The following FKBP5 variants were observed in gnomAD, a reference collection of about 807,000 sequenced individuals.
The protein encoded by FKBP5 is FKBP prolyl isomerase 5, also known as peptidyl-prolyl cis-trans isomerase FKBP5.
Under a neutral mutation model 50.5 loss-of-function variants are expected in FKBP5, and 23 were observed. That is an observed-to-expected ratio of 0.46 (90% confidence interval 0.33 to 0.65). The LOEUF (loss-of-function observed/expected upper bound fraction) is 0.65, where lower values mean the gene tolerates loss of function less well. FKBP5 is among the 30% of genes least tolerant of loss of function. FKBP5 has a pLI of 0.02. For missense variants in FKBP5, 411 were observed against 553.1 expected (o/e 0.74, Z 2.58); for synonymous variants, 176 against 190.6 (o/e 0.92, Z 0.63).
intron 2 of FKBP5, among the ~76,000 whole-genome samples, chr6:35,702,547 G>T (rs1561902514): frequency 6.6e-6 from 1 of 151,664 alleles, no homozygotes; most frequent in Non-Finnish European, 1.5e-5. Context: ...CCACCTCCTG[G>T]ATTCACGCCA....
chr6:35,711,791 A>T (rs1245983672), intron 2 of FKBP5, among the ~76,000 whole-genome samples: 1 of 152,204 alleles, frequency 6.6e-6, no homozygotes, highest in Non-Finnish European at 1.5e-5. Flanking sequence ...ATCATAAGTA[A>T]ATTATGCGCA....
intron 8 of FKBP5, chr6:35,585,679 T>C (rs1581786795): frequency 3.2e-6 from 3 of 941,930 alleles, no homozygotes; most frequent in Non-Finnish European, 1.3e-6. Context: ...AAACCCATGA[T>C]TTAAAATTTG....
intron 2 of FKBP5, among the ~76,000 whole-genome samples, chr6:35,713,340 C>T (rs1226179830): frequency 6.6e-6 from 1 of 152,024 alleles, no homozygotes; most frequent in South Asian, 2.1e-4. Flanking sequence ...GGAATTTTGC[C>T]TCATTATGAA....
chr6:35,725,430 G>A (rs1448247972), intron 1 of FKBP5, among the ~76,000 whole-genome samples: 1 of 152,120 alleles, frequency 6.6e-6, no homozygotes, highest in African/African-American at 2.4e-5. Context: ...CAGCCTCAAG[G>A]GTCCAGAGAA....
At chr6:35,679,155 C>A (rs1304459425) in intron 1 of FKBP5, among the ~76,000 whole-genome samples, 1 of 152,142 alleles carries the variant, frequency 6.6e-6, no homozygotes, top group Non-Finnish European at 1.5e-5. Context: ...CATGGAGGTT[C>A]ATTAAAGAAT....
intron 1 of FKBP5, among the ~76,000 whole-genome samples, chr6:35,668,961 G>C (rs1314359571): frequency 6.6e-6 from 1 of 151,866 alleles, no homozygotes; most frequent in Non-Finnish European, 1.5e-5. Context: ...CAAAACTAAA[G>C]ACTCCTGTAG....
At chr6:35,727,774 C>A (rs1408271729) in intron 1 of FKBP5, among the ~76,000 whole-genome samples, 5 of 152,220 alleles carry the variant, frequency 3.3e-5, no homozygotes, top group African/African-American at 1.2e-4. Context: ...GGACTGAGCG[C>A]TGGAGAGCGC....
intron 3 of FKBP5, among the ~76,000 whole-genome samples, chr6:35,633,542 CAAAAAAAAAAA>C (rs10714201): frequency 1.1e-5 from 1 of 91,612 alleles, no homozygotes; most frequent in Non-Finnish European, 2.2e-5. Context: ...GATTCCATCT[CAAAAAAAAAAA>C]AAAAAAGGAA....
intron 8 of FKBP5, chr6:35,585,740 AC>A: frequency 1.0e-6 from 1 of 982,294 alleles, no homozygotes; most frequent in Non-Finnish European, 1.2e-6. Flanking sequence ...TTACTCATAC[AC>A]AAGCAAAGTT....
chr6:35,631,406 C>G (rs1329005362), intron 3 of FKBP5, among the ~76,000 whole-genome samples: 1 of 152,102 alleles, frequency 6.6e-6, no homozygotes, highest in Admixed American at 6.6e-5. Context: ...TTAGTGACTG[C>G]CTGGGGCTCA....
intron 10 of FKBP5, among the ~76,000 whole-genome samples, chr6:35,576,623 A>G (rs1762223708): frequency 7.2e-6 from 1 of 139,840 alleles, no homozygotes; most frequent in South Asian, 2.4e-4. Context: ...GAGCCATGTT[A>G]GCACGACTGC....
At chr6:35,608,140 C>T (rs1294268853) in intron 5 of FKBP5, among the ~76,000 whole-genome samples, 2 of 152,108 alleles carry the variant, frequency 1.3e-5, no homozygotes, top group African/African-American at 4.8e-5. Context: ...CCAAATACTG[C>T]GTGTTCTCAC....
chr6:35,610,160 T>C (rs1763445564), intron 5 of FKBP5, among the ~76,000 whole-genome samples: 1 of 152,172 alleles, frequency 6.6e-6, no homozygotes, highest in Non-Finnish European at 1.5e-5. Flanking sequence ...AAGCATTTAC[T>C]ATGAGCTGGG....
At position 35,591,237 on chromosome 6, in the gene FKBP5, A is replaced by C. The variant is rs1762811872; in HGVS notation, c.666-17T>G. ...AAACCATATCTGAAATGGAGAGTAA[A>C]AAATAAAACTTTAAAAGGATTGGTG... On this transcript the variant is annotated splice_polypyrimidine_tract_variant and intron_variant, in intron 6 of 10. Coordinates refer to ENST00000357266, the MANE Select transcript of FKBP5 (RefSeq NM_004117.4). 6.5e-7 allele frequency: 1 copy of C among 1,549,608 alleles called. No individual in the cohort carries two copies. The highest frequency in any genetic ancestry group is 1.1e-5 in the South Asian group (1 of 88,144).
chr6:35,695,468 T>C (rs1449852888), intron 2 of FKBP5, among the ~76,000 whole-genome samples: 1 of 152,140 alleles, frequency 6.6e-6, no homozygotes, highest in African/African-American at 2.4e-5. Context: ...ACACAGTCAT[T>C]CCAACCACTT....
chr6:35,691,751 A>T (rs1379317214), upstream of FKBP5, among the ~76,000 whole-genome samples: 1 of 152,182 alleles, frequency 6.6e-6, no homozygotes, highest in Non-Finnish European at 1.5e-5. Flanking sequence ...GCCCTTCAGA[A>T]TTCAAAGATG....
chr6:35,622,855 C>T (rs966742861), intron 3 of FKBP5, among the ~76,000 whole-genome samples: 3 of 152,204 alleles, frequency 2.0e-5, no homozygotes, highest in Admixed American at 6.5e-5. Flanking sequence ...TCTGTGTAAA[C>T]TTGTGCAAGT....
At chr6:35,712,246 C>T (rs1381101340) in intron 2 of FKBP5, among the ~76,000 whole-genome samples, 10 of 151,748 alleles carry the variant, frequency 6.6e-5, no homozygotes, top group African/African-American at 2.4e-5. Context: ...CCCTTTATCC[C>T]CTGCGCCAAA....
chr6:35,637,228 C>G lies in FKBP5; in HGVS notation c.106-70G>C, dbSNP rs930342537. 5.0e-6 allele frequency: 7 copies of G among 1,396,338 alleles called. No homozygotes were observed. The African/African-American group carries it at 1.0e-4, about 20-fold the overall frequency. 86.5% of individuals were successfully genotyped at this position (1,396,338 alleles called of 1,614,324 possible). A position where few individuals can be genotyped will look rare whatever the true frequency, so the allele number is the denominator to read the frequency against. Reference sequence around the variant, plus strand: ...TTGTAATCAGAGAATAAAAAGGTCACACAGTCCATCCCAAGACATCCAGGC... The same window carrying G: ...TTGTAATCAGAGAATAAAAAGGTCAGACAGTCCATCCCAAGACATCCAGGC... On this transcript the variant is annotated intron_variant, in intron 2 of 10. Transcript: ENST00000357266.
Sources: gnomAD v4.1 joint callset for allele counts (sites outside exome capture counted in the v4.1 genomes callset) on GRCh38, gnomAD v4.1.1 for gene constraint, MANE v1.5 for transcripts, NCBI Gene and HGNC (gene_info 2026-07-23, HGNC 2026-07-21) for gene names.